The following SLC25A21 variants were observed in gnomAD, a reference collection of about 807,000 sequenced individuals.
The protein encoded by SLC25A21 is solute carrier family 25 member 21, also known as mitochondrial 2-oxodicarboxylate carrier.
SLC25A21 carries 47 observed loss-of-function variants against 43.8 expected under a neutral mutation model. The observed-to-expected ratio is 1.07, with a 90% CI of 0.85 to 1.37. The LOEUF is 1.37. SLC25A21 is among the 40% of genes most tolerant of loss of function. The probability of loss-of-function intolerance (pLI) is 0.00; values close to 1 mark genes in which losing one functional copy is unlikely to be tolerated. For synonymous variants in SLC25A21, 131 were observed against 121.3 expected (o/e 1.08, Z -0.52); for missense variants, 352 against 350.2 (o/e 1.00, Z -0.04).
intron 1 of SLC25A21, among the ~76,000 whole-genome samples, chr14:36,974,927 G>A (rs1013967041): frequency 6.6e-6 from 1 of 152,178 alleles, no homozygotes; most frequent in Non-Finnish European, 1.5e-5. Flanking sequence ...TGCTCAAGCT[G>A]GGTCCTCTGA....
At chr14:37,035,346 GT>G (rs1961304714) in intron 1 of SLC25A21, among the ~76,000 whole-genome samples, 3 of 152,120 alleles carry the variant, frequency 2.0e-5, no homozygotes, top group Admixed American at 6.5e-5. Flanking sequence ...ATTATTATCA[GT>G]TTTAATCTAT....
At chr14:37,043,932 G>GTTTTTT (rs1944478047) in intron 1 of SLC25A21, among the ~76,000 whole-genome samples, 2 of 89,730 alleles carry the variant, frequency 2.2e-5, no homozygotes, top group African/African-American at 1.6e-4. Context: ...TTTGTTTTAT[G>GTTTTTT]TTTTTTTGTT....
intron 1 of SLC25A21, among the ~76,000 whole-genome samples, chr14:36,886,684 C>T (rs998081543): frequency 6.6e-6 from 1 of 152,038 alleles, no homozygotes; most frequent in African/African-American, 2.4e-5. Flanking sequence ...TTTTTTAACT[C>T]ACACTTTGAA....
intron 1 of SLC25A21, among the ~76,000 whole-genome samples, chr14:37,160,564 A>G (rs1373894803): frequency 6.6e-6 from 1 of 152,106 alleles, no homozygotes; most frequent in African/African-American, 2.4e-5. Context: ...GAGGCTGGGA[A>G]GGGTGAGAGA....
In SLC25A21 at chr14:37,108,704, AGTGTGTGTGTGTGT is replaced by A. The variant is rs56801840; in HGVS notation, c.70+63563_70+63576del. ...GAATTAAAAGATGTGAGTTTTGTTA[AGTGTGTGTGTGTGT>A]GTGTGTGTGTGTGTGTGTGTGCGTG... On this transcript the variant is annotated intron_variant, in intron 1 of 9. Coordinates refer to ENST00000331299, the MANE Select transcript of SLC25A21 (RefSeq NM_030631.4). Among the ~76,000 whole-genome samples, 549 of 149,224 alleles carry A rather than the reference AGTGTGTGTGTGTGT, an allele frequency of 3.7e-3. 10 individuals are homozygous for A. The East Asian group carries it at 0.049, about 13-fold the overall frequency.
chr14:37,145,476 C>CACACACACAGAGAGAGAG (rs780734735), intron 1 of SLC25A21, among the ~76,000 whole-genome samples: 1 of 143,566 alleles, frequency 7.0e-6, no homozygotes, highest in African/African-American at 2.6e-5. Flanking sequence ...CACACACACA[C>CACACACACAGAGAGAGAG]AGAGAGATGA....
intron 1 of SLC25A21, among the ~76,000 whole-genome samples, chr14:37,048,316 T>A (rs1961631675): frequency 6.6e-6 from 1 of 152,196 alleles, no homozygotes; most frequent in Non-Finnish European, 1.5e-5. Flanking sequence ...ATGTCATTTT[T>A]CATATGCAAG....
At chr14:37,103,733 A>C (rs900855036) in intron 1 of SLC25A21, among the ~76,000 whole-genome samples, 2 of 152,168 alleles carry the variant, frequency 1.3e-5, no homozygotes, top group African/African-American at 4.8e-5. Flanking sequence ...TGACTATCCA[A>C]AAGTCCCAAG....
chr14:36,852,947 A>T (rs1427034328), intron 2 of SLC25A21, among the ~76,000 whole-genome samples: 2 of 152,218 alleles, frequency 1.3e-5, no homozygotes, highest in Non-Finnish European at 2.9e-5. Flanking sequence ...CATGCACCGA[A>T]ACAGGAACAT....
At chr14:36,866,948 T>A (rs1017810117) in intron 2 of SLC25A21, among the ~76,000 whole-genome samples, 2 of 152,224 alleles carry the variant, frequency 1.3e-5, no homozygotes, top group African/African-American at 4.8e-5. Context: ...TTTTACCTGT[T>A]TCATTTTTAC....
At chr14:36,941,163 C>A (rs543590211) in intron 1 of SLC25A21, among the ~76,000 whole-genome samples, 1 of 148,674 alleles carries the variant, frequency 6.7e-6, no homozygotes, top group Non-Finnish European at 1.5e-5. Flanking sequence ...ACACAGAGGG[C>A]CTTCCTACAA....
At chr14:36,965,298 T>C (rs1229897501) in intron 1 of SLC25A21, among the ~76,000 whole-genome samples, 2 of 152,150 alleles carry the variant, frequency 1.3e-5, no homozygotes, top group Admixed American at 6.5e-5. Flanking sequence ...ATTCCACAAG[T>C]ACATCAATCT....
chr14:36,711,143 T>C (rs920941920), intron 7 of SLC25A21, among the ~76,000 whole-genome samples, 175 bp downstream of exon 7: 4 of 152,144 alleles, frequency 2.6e-5, no homozygotes, highest in Non-Finnish European at 5.9e-5. Flanking sequence ...TTTCTAAGAC[T>C]CCACTTCTGG....
intron 1 of SLC25A21, among the ~76,000 whole-genome samples, chr14:36,973,535 T>C (rs150644041): frequency 0.01 from 1,552 of 152,306 alleles, 23 homozygotes; most frequent in African/African-American, 0.035. Flanking sequence ...GGGACACCGA[T>C]GGAAAGGTGT....
chr14:37,036,581 T>A (rs567671445), intron 1 of SLC25A21, among the ~76,000 whole-genome samples: 1 of 152,092 alleles, frequency 6.6e-6, no homozygotes, highest in East Asian at 1.9e-4. Context: ...CCCGTCTCTA[T>A]TAAAATTTAA....
intron 4 of SLC25A21, among the ~76,000 whole-genome samples, chr14:36,733,039 AT>A (rs1205482765): frequency 6.6e-6 from 1 of 152,118 alleles, no homozygotes; most frequent in Non-Finnish European, 1.5e-5. Context: ...AAGCTCAACT[AT>A]TTTTTTCTGT....
intron 3 of SLC25A21, among the ~76,000 whole-genome samples, chr14:36,740,622 A>ACCCCCCCCCCCC (rs201254066): frequency 7.8e-6 from 1 of 128,984 alleles, no homozygotes; most frequent in Admixed American, 7.6e-5. Context: ...CCCTCATTCA[A>ACCCCCCCCCCCC]CCCCCCCACC....
intron 1 of SLC25A21, among the ~76,000 whole-genome samples, chr14:37,133,813 C>A (rs1963432473): frequency 6.6e-6 from 1 of 152,138 alleles, no homozygotes; most frequent in Admixed American, 6.5e-5. Context: ...CCTACATGTT[C>A]TTGTTTGCTC....
At chr14:36,964,464 G>A (rs1959568230) in intron 1 of SLC25A21, among the ~76,000 whole-genome samples, 1 of 152,176 alleles carries the variant, frequency 6.6e-6, no homozygotes, top group Non-Finnish European at 1.5e-5. Flanking sequence ...TATGGAATCA[G>A]GAGAGGCTTT....
Sources: allele counts gnomAD v4.1 joint callset (sites outside exome capture counted in the v4.1 genomes callset), GRCh38; gene constraint gnomAD v4.1.1; transcripts MANE v1.5; gene names NCBI Gene and HGNC (gene_info 2026-07-23, HGNC 2026-07-21).